Variants in WDR49 observed in about 807,000 individuals in gnomAD.
The protein encoded by WDR49 is cilia- and flagella-associated protein 337.
WDR49 carries 107 observed loss-of-function variants against 119.5 expected under a neutral mutation model. The ratio of observed to expected loss-of-function variants is 0.90; its 90% CI spans 0.77 to 1.05. The LOEUF (loss-of-function observed/expected upper bound fraction) is 1.05. Ranked by LOEUF, WDR49 falls within the 50% of genes least tolerant of loss-of-function variation. WDR49 has a pLI of 0.00. For missense variants in WDR49, 1,240 were observed against 1,220.5 expected (o/e 1.02, Z -0.24); for synonymous variants, 425 against 418.8 (o/e 1.01, Z -0.18).
intron 2 of WDR49, among the ~76,000 whole-genome samples, chr3:167,641,770 G>C (rs1717892282): frequency 6.6e-6 from 1 of 151,816 alleles, no homozygotes; most frequent in East Asian, 1.9e-4. Context: ...GAATATGACA[G>C]AGGTTGAATG....
chr3:167,587,658 T>C (rs1175517798), intron 7 of WDR49, among the ~76,000 whole-genome samples: 4 of 152,084 alleles, frequency 2.6e-5, no homozygotes, highest in African/African-American at 9.7e-5. Context: ...CTAATTTTTG[T>C]ATTTTTTGTA....
chr3:167,646,546 G>A (rs1267137595), intron 2 of WDR49, among the ~76,000 whole-genome samples: 1 of 152,176 alleles, frequency 6.6e-6, no homozygotes, highest in Non-Finnish European at 1.5e-5. Context: ...TGATGAAAAT[G>A]TTCTATATTC....
chr3:167,632,452 A>G (rs981885473), intron 2 of WDR49, among the ~76,000 whole-genome samples: 21 of 152,066 alleles, frequency 1.4e-4, no homozygotes, highest in Non-Finnish European at 2.6e-4. Context: ...GTACAATTGT[A>G]TGATATCCCT....
chr3:167,517,011 A>G (rs527907190), intron 16 of WDR49, among the ~76,000 whole-genome samples: 30 of 152,308 alleles, frequency 2.0e-4, no homozygotes, highest in Non-Finnish European at 3.7e-4. Flanking sequence ...TCAAAACCAT[A>G]ATGAGATACC....
chr3:167,538,800 C>T (rs1181125375), intron 10 of WDR49, among the ~76,000 whole-genome samples: 1 of 152,058 alleles, frequency 6.6e-6, no homozygotes, highest in African/African-American at 2.4e-5. Flanking sequence ...TTGAACTGGA[C>T]CATAAAATAT....
intron 7 of WDR49, among the ~76,000 whole-genome samples, chr3:167,597,692 C>T (rs893473253): frequency 1.2e-4 from 18 of 152,130 alleles, no homozygotes; most frequent in Non-Finnish European, 2.1e-4. Context: ...TTTAGCATGC[C>T]CTGTATGTGA....
intron 8 of WDR49, among the ~76,000 whole-genome samples, chr3:167,565,563 G>T (rs1713545473): frequency 6.6e-6 from 1 of 152,098 alleles, no homozygotes; most frequent in South Asian, 2.1e-4. Flanking sequence ...GGGAATCTGG[G>T]AAGGTCTCCC....
intron 5 of WDR49, among the ~76,000 whole-genome samples, chr3:167,607,818 C>G (rs1427159909): frequency 6.6e-6 from 1 of 152,156 alleles, no homozygotes; most frequent in Non-Finnish European, 1.5e-5. Flanking sequence ...TCTATTGCCT[C>G]TGATCCCCAC....
chr3:167,539,202 A>T (rs1711644753), intron 10 of WDR49, among the ~76,000 whole-genome samples: 1 of 152,188 alleles, frequency 6.6e-6, no homozygotes, highest in Non-Finnish European at 1.5e-5. Flanking sequence ...AATTTCAAAA[A>T]AAGAATTCAA....
intron 9 of WDR49, among the ~76,000 whole-genome samples, chr3:167,556,068 C>T (rs149337641): frequency 1.8e-3 from 281 of 152,260 alleles, no homozygotes; most frequent in African/African-American, 6.5e-3. Flanking sequence ...GGACCACCAT[C>T]GTATATGCAG....
chr3:167,587,132 T>A (rs1714860132), intron 7 of WDR49, among the ~76,000 whole-genome samples: 1 of 152,156 alleles, frequency 6.6e-6, no homozygotes, highest in Non-Finnish European at 1.5e-5. Context: ...TACATTAATA[T>A]TTTCTAGGTC....
chr3:167,620,348 G>A, intron 5 of WDR49, 81 bp downstream of exon 5: 2 of 1,372,746 alleles, frequency 1.5e-6, no homozygotes, highest in East Asian at 5.3e-5. Context: ...TAAAGGTTTT[G>A]TGTGAAGCAT....
intron 10 of WDR49, among the ~76,000 whole-genome samples, chr3:167,537,671 A>C (rs1236236979): frequency 6.6e-6 from 1 of 152,282 alleles, no homozygotes; most frequent in South Asian, 2.1e-4. Context: ...TGGGCAAAGA[A>C]TGAAATGCCT....
chr3:167,493,642 T>C (rs1311493694), intron 18 of WDR49, among the ~76,000 whole-genome samples: 1 of 152,220 alleles, frequency 6.6e-6, no homozygotes, highest in Non-Finnish European at 1.5e-5. Context: ...CTTAGAGTTC[T>C]GTTTACTTCT....
intron 9 of WDR49, among the ~76,000 whole-genome samples, chr3:167,558,408 CT>C (rs1481665078): frequency 6.6e-6 from 1 of 152,206 alleles, no homozygotes; most frequent in Middle Eastern, 3.4e-3. Flanking sequence ...GTCATTCATT[CT>C]TGTTTCTTCA....
At chr3:167,541,753 G>C (rs148695864) in intron 10 of WDR49, among the ~76,000 whole-genome samples, 1 of 152,022 alleles carries the variant, frequency 6.6e-6, no homozygotes, top group East Asian at 1.9e-4. Context: ...AAAGGATACA[G>C]AATGCCAGAA....
intron 7 of WDR49, among the ~76,000 whole-genome samples, chr3:167,586,789 C>G (rs1714840740): frequency 6.6e-6 from 1 of 152,102 alleles, no homozygotes; most frequent in Non-Finnish European, 1.5e-5. Flanking sequence ...TAATGTAATG[C>G]AAACAAAACA....
chr3:167,560,960 G>A (rs1414024435), intron 8 of WDR49, among the ~76,000 whole-genome samples: 1 of 152,018 alleles, frequency 6.6e-6, no homozygotes, highest in Non-Finnish European at 1.5e-5. Context: ...AGATTCATAG[G>A]TTAAAACCAC....
intron 12 of WDR49, 135 bp downstream of exon 12, chr3:167,532,742 AAT>A (rs1752894104): frequency 1.8e-6 from 1 of 560,516 alleles, no homozygotes; most frequent in Non-Finnish European, 3.1e-6. Flanking sequence ...TTGGCAAGAC[AAT>A]GATATCCTTA....
Sources: gnomAD v4.1 joint callset for allele counts (sites outside exome capture counted in the v4.1 genomes callset) on GRCh38, gnomAD v4.1.1 for gene constraint, MANE v1.5 for transcripts, NCBI Gene and HGNC (gene_info 2026-07-23, HGNC 2026-07-21) for gene names.